Variants in MBTPS2 observed in about 807,000 individuals in gnomAD.
The protein encoded by MBTPS2 is membrane-bound transcription factor site-2 protease.
Under a neutral mutation model 35.4 loss-of-function variants are expected in MBTPS2, and 2 were observed. The observed-to-expected ratio is 0.06, with a 90% CI of 0.02 to 0.18. MBTPS2 has a LOEUF of 0.18. MBTPS2 is among the 10% of genes least tolerant of loss of function. The pLI is 1.00. For synonymous variants in MBTPS2, 125 were observed against 140.4 expected (o/e 0.89, Z 0.77); for missense variants, 244 against 386.5 (o/e 0.63, Z 3.09).
At chrX:21,862,281 G>GGC (rs1325917076) in intron 5 of MBTPS2, among the ~76,000 whole-genome samples, 1 of 110,559 alleles carries the variant, frequency 9.0e-6, no homozygotes, top group African/African-American at 3.3e-5. Context: ...GGCTCTGCAG[G>GGC]GCTAAGGTAG....
At chrX:21,857,703 TAA>T (rs11339991) in intron 5 of MBTPS2, 1 of 888,653 alleles carries the variant, frequency 1.1e-6, no homozygotes, top group Non-Finnish European at 1.6e-6. Flanking sequence ...CTAAGAGTTT[TAA>T]AAAAAAATGA....
chrX:21,847,700 T>G (rs1175918117), intron 3 of MBTPS2, among the ~76,000 whole-genome samples: 1 of 112,180 alleles, frequency 8.9e-6, no homozygotes, highest in African/African-American at 3.2e-5. Context: ...GAAATAAAGG[T>G]AAGGTAAGCA....
Position 21,878,631 on chromosome X carries a change from A to G in MBTPS2, c.1200A>G (p.Val400=). 8.3e-7 allele frequency: 1 copy of G among 1,207,582 alleles called. No individual in the cohort carries two copies. Among genetic ancestry groups the G allele is most frequent in the South Asian group, 1.8e-5 (1 of 56,807 alleles). Residue 400 remains valine, a synonymous_variant, in exon 9 of 11, where the codon GTA becomes GTG. Coordinates refer to ENST00000379484, the MANE Select transcript of MBTPS2 (RefSeq NM_015884.4). Reference sequence around the variant, plus strand: ...AAACTCACACTCGCTTAATAAAAGTAAAACACCCACCTCAGATTGATATGT... The same window carrying G: ...AAACTCACACTCGCTTAATAAAAGTGAAACACCCACCTCAGATTGATATGT... ...SLETHTRLIK[V]KHPPQIDMLY... is the part of the protein sequence containing the mutation.
rs1376422077 is a variant in MBTPS2 at position 21,883,260 on chromosome X, A to G, written c.*605A>G. The stretch of plus-strand genomic sequence containing the variant: ...GTCAAATGATACCAAATAAATGAAC[A>G]AAACAGGAAGTAGGGCCTATGATAT... On this transcript the variant is annotated 3_prime_UTR_variant, in exon 11 of 11. Transcript: ENST00000379484. The G allele has an allele frequency of 9.3e-6, 7 of 756,754 alleles. No individual in the cohort carries two copies. Among genetic ancestry groups the G allele is most frequent in the Non-Finnish European group, 1.1e-5 (7 of 641,145 alleles). The allele number at this position is 756,754 out of a possible 1,213,427, so 62.4% of individuals were successfully genotyped here.
intron 2 of MBTPS2, 138 bp from the exon 3 acceptor site, chrX:21,845,033 A>G (rs1197821049): frequency 4.0e-5 from 37 of 916,284 alleles, no homozygotes; most frequent in Non-Finnish European, 5.5e-5. Flanking sequence ...TTTGAAGTTC[A>G]TGTAGGAAAA....
chrX:21,862,383 G>A lies in MBTPS2; in HGVS notation c.671-6084G>A, dbSNP rs186443774. On this transcript the variant is annotated intron_variant, in intron 5 of 10. Transcript: ENST00000379484. ...CTGCAAACCTGCACTTCCTGAAGGA[G>A]GAATTAGGAAGAAATGCACACAATT... 2.4e-3 allele frequency among the ~76,000 whole-genome samples: 272 copies of A among 111,057 alleles called. 3 individuals carry two copies. Among genetic ancestry groups the A allele is most frequent in the African/African-American group, 8.5e-3 (260 of 30,572 alleles).
At chrX:21,882,134 C>T in intron 10 of MBTPS2, among the ~76,000 whole-genome samples, 1 of 111,987 alleles carries the variant, frequency 8.9e-6, no homozygotes, top group East Asian at 2.8e-4. Flanking sequence ...ACATTCCTTT[C>T]CCTGTTGTAT....
In MBTPS2 at chrX:21,878,099, T is replaced by C. The variant is rs2092955102; in HGVS notation, c.1028T>C (p.Val343Ala). The change falls in exon 8 of 11, where the codon GTG becomes GCG. Residue 343 changes from valine (V) to alanine (A), a missense_variant. Transcript: ENST00000379484. ...ECCNNHSLTD[V>A]CFSYRNNFNK... ...TGTAACAATCACAGCCTCACAGATG[T>C]GTGCTTTTCCTACAGAAATAATTTT... 4 of 1,206,917 alleles carry C rather than the reference T, an allele frequency of 3.3e-6. No individual in the cohort carries two copies. Among genetic ancestry groups the C allele is most frequent in the Admixed American group, 2.2e-5 (1 of 45,779 alleles).
At chrX:21,844,703 G>C (rs2092906646) in intron 2 of MBTPS2, among the ~76,000 whole-genome samples, 1 of 108,259 alleles carries the variant, frequency 9.2e-6, no homozygotes, top group Admixed American at 1.0e-4. Context: ...TACAATGGTA[G>C]CTTTTAATAA....
chrX:21,883,195 T>C lies in MBTPS2; in HGVS notation c.*540T>C. Reference sequence around the variant, plus strand: ...GAGGTCTGATTACAATTAGTAAAATTCTATAGAAGAATCTGCTGACGTGAA... The same window carrying C: ...GAGGTCTGATTACAATTAGTAAAATCCTATAGAAGAATCTGCTGACGTGAA... On this transcript the variant is annotated 3_prime_UTR_variant, in exon 11 of 11. Transcript: ENST00000379484. 1 of 758,412 alleles carries C rather than the reference T, an allele frequency of 1.3e-6. No individual in the cohort carries two copies. 62.5% of individuals were successfully genotyped at this position (758,412 alleles called of 1,213,427 possible). A position where few individuals can be genotyped will look rare whatever the true frequency, so the allele number is the denominator to read the frequency against.
chrX:21,843,470 G>A, intron 2 of MBTPS2, 152 bp downstream of exon 2: 1 of 581,223 alleles, frequency 1.7e-6, no homozygotes, highest in East Asian at 3.6e-5. Flanking sequence ...TAACCTTATG[G>A]GATTGTATCA....
intron 7 of MBTPS2, among the ~76,000 whole-genome samples, chrX:21,874,001 GTATA>G (rs3054229): frequency 1.6e-5 from 1 of 60,845 alleles, no homozygotes; most frequent in Non-Finnish European, 2.9e-5. Context: ...GTGTGTGTGT[GTATA>G]TATATATATA....
At chrX:21,871,403 C>G (rs2092947220) in intron 7 of MBTPS2, 1 of 111,679 alleles carries the variant, frequency 9.0e-6, no homozygotes, top group African/African-American at 3.2e-5. Flanking sequence ...TATCTTTCTG[C>G]CAGCTTCGGC....
intron 9 of MBTPS2, among the ~76,000 whole-genome samples, chrX:21,879,897 C>T (rs773164064): frequency 9.4e-6 from 1 of 106,093 alleles, no homozygotes; most frequent in East Asian, 2.9e-4. Flanking sequence ...ATGGATAGAC[C>T]ACATTTTCTT....
chrX:21,858,068 T>C (rs1320875482), intron 5 of MBTPS2: 2 of 125,212 alleles, frequency 1.6e-5, no homozygotes, highest in African/African-American at 3.2e-5. Flanking sequence ...TTGATAACTT[T>C]GGGAAAGATT....
intron 5 of MBTPS2, 119 bp downstream of exon 5, chrX:21,853,622 TCA>T (rs2092917163): frequency 2.7e-6 from 2 of 732,352 alleles, no homozygotes; most frequent in Non-Finnish European, 4.2e-6. Flanking sequence ...GTTAATAACT[TCA>T]GTTTATAAGA....
chrX:21,856,171 G>C (rs751421990), intron 5 of MBTPS2: 1 of 277,231 alleles, frequency 3.6e-6, no homozygotes, highest in Non-Finnish European at 6.4e-6. Flanking sequence ...AAACGTACGC[G>C]GGCACGTGCA....
chrX:21,850,604 G>A (rs1226843343), intron 3 of MBTPS2, among the ~76,000 whole-genome samples: 1 of 111,542 alleles, frequency 9.0e-6, no homozygotes, highest in African/African-American at 3.3e-5. Context: ...TGAGCCTGGT[G>A]TGTCCCACTT....
chrX:21,879,949 C>CTTTTTTTTTTTTTTTTTTTTCTT (rs2092957330), intron 9 of MBTPS2, among the ~76,000 whole-genome samples: 1 of 47,425 alleles, frequency 2.1e-5, no homozygotes, highest in Non-Finnish European at 3.3e-5. Flanking sequence ...TTATGTTATT[C>CTTTTTTTTTTTTTTTTTTTTCTT]TTTTTTTTTT....
Sources: gnomAD v4.1 joint callset for allele counts (sites outside exome capture counted in the v4.1 genomes callset) on GRCh38, gnomAD v4.1.1 for gene constraint, MANE v1.5 for transcripts, NCBI Gene and HGNC (gene_info 2026-07-23, HGNC 2026-07-21) for gene names.